URM1: variants seen among roughly 807,000 people sequenced by gnomAD.
URM1 encodes ubiquitin-related modifier 1.
A neutral mutation model predicts 17.7 loss-of-function variants in URM1; 11 were observed. That is an observed-to-expected ratio of 0.62 (90% CI 0.39 to 1.03). The LOEUF (loss-of-function observed/expected upper bound fraction) is 1.03, where lower values mean the gene tolerates loss of function less well. Among genes scored for constraint, URM1 ranks in the 50% least tolerant of loss-of-function variants. URM1 has a pLI of 0.00. For missense variants in URM1, 128 were observed against 129.2 expected (o/e 0.99, Z 0.04); for synonymous variants, 48 against 50.6 (o/e 0.95, Z 0.22).
chr9:128,377,131 C>T (rs537288049), intron 1 of URM1, among the ~76,000 whole-genome samples: 2 of 152,302 alleles, frequency 1.3e-5, no homozygotes, highest in African/African-American at 4.8e-5. Flanking sequence ...CTTGGCCTCC[C>T]ACAGTGCTAG....
intron 1 of URM1, among the ~76,000 whole-genome samples, chr9:128,371,831 T>C (rs1833017679): frequency 1.3e-5 from 2 of 152,224 alleles, no homozygotes; most frequent in South Asian, 4.1e-4. Context: ...TACACTGTTA[T>C]TAAGGTCTTG....
intron 1 of URM1, among the ~76,000 whole-genome samples, chr9:128,371,792 A>T (rs1833017297): frequency 6.6e-6 from 1 of 152,102 alleles, no homozygotes; most frequent in Non-Finnish European, 1.5e-5. Flanking sequence ...CCACCCGCTG[A>T]TTTCATTCTT....
chr9:128,382,377 C>T (rs1032506523), intron 2 of URM1, among the ~76,000 whole-genome samples: 3 of 152,146 alleles, frequency 2.0e-5, no homozygotes, highest in African/African-American at 7.2e-5. Flanking sequence ...CTTACCCTTC[C>T]CCCAAGTCCA....
intron 2 of URM1, among the ~76,000 whole-genome samples, chr9:128,385,921 C>T (rs890712105): frequency 1.3e-5 from 2 of 152,150 alleles, no homozygotes; most frequent in African/African-American, 4.8e-5. Flanking sequence ...CAAATAGGAG[C>T]ATCATGATAA....
At position 128,381,313 on chromosome 9, in the gene URM1, G is replaced by A. The variant is rs532214379; in HGVS notation, c.106+3207G>A. Among the ~76,000 whole-genome samples, 12 of 152,308 alleles carry A rather than the reference G, an allele frequency of 7.9e-5. No homozygotes were observed. The South Asian group carries it at 8.3e-4, about 11-fold the overall frequency. ...AGTAAACAAATGAATGTATAACTGC[G>A]TCATTACAACTTTTAGTAACTGGCA... On this transcript the variant is annotated intron_variant, in intron 2 of 4. Transcript: ENST00000372853.
At chr9:128,372,809 C>G (rs994277969) in intron 1 of URM1, among the ~76,000 whole-genome samples, 5 of 151,932 alleles carry the variant, frequency 3.3e-5, no homozygotes, top group African/African-American at 1.2e-4. Flanking sequence ...CATGGAGGCT[C>G]ATGCCTGTAA....
rs974927091 is a variant in URM1 at position 128,389,823 on chromosome 9, C to G, written c.*89C>G. 12 of 1,554,826 alleles carry G rather than the reference C, an allele frequency of 7.7e-6. No individual in the cohort carries two copies. The African/African-American group carries it at 1.5e-4, about 19-fold the overall frequency. ...GCCCTGCTTCCAGGTCTCCCTGTCC[C>G]CCTTGCCTGCCTTCTTCCCTGCTCT... On this transcript the variant is annotated 3_prime_UTR_variant, in exon 5 of 5. Transcript: ENST00000372853.
intron 1 of URM1, among the ~76,000 whole-genome samples, chr9:128,374,753 G>T (rs1351762004): frequency 2.0e-5 from 3 of 152,190 alleles, no homozygotes; most frequent in Non-Finnish European, 4.4e-5. Flanking sequence ...CAAAAGTCTG[G>T]TGAGGCCTTT....
At chr9:128,384,473 C>A (rs952374370) in intron 2 of URM1, among the ~76,000 whole-genome samples, 10 of 152,192 alleles carry the variant, frequency 6.6e-5, no homozygotes, top group Admixed American at 1.3e-4. Flanking sequence ...CCCCTCACTA[C>A]TCTCGCAGTC....
intron 2 of URM1, among the ~76,000 whole-genome samples, chr9:128,380,688 T>G (rs1833147903): frequency 6.6e-6 from 1 of 151,138 alleles, no homozygotes; most frequent in African/African-American, 2.4e-5. Context: ...CAGGCTGAAG[T>G]GCCGTGGTGC....
In URM1 at chr9:128,389,743, CTCTGGGCCTGGGCACCCTTAGAGGGGAGA is replaced by C. The variant is rs773737651; in HGVS notation, c.*10_*38del. The C allele has an allele frequency of 6.2e-6, 10 of 1,613,448 alleles. 1 individual carries two copies. The South Asian group carries it at 1.1e-4, about 18-fold the overall frequency. On this transcript the variant is annotated 3_prime_UTR_variant, in exon 5 of 5. Coordinates refer to ENST00000372853, the MANE Select transcript of URM1 (RefSeq NM_030914.4). ...CTCTGCACGGCGGCTGAGGGCCCTT[CTCTGGGCCTGGGCACCCTTAGAGGGGAGA>C]ACGAAGCAATCAGACATCCCCTTGG...
intron 2 of URM1, among the ~76,000 whole-genome samples, chr9:128,383,727 AC>A (rs1374971675): frequency 5.9e-5 from 9 of 152,166 alleles, no homozygotes; most frequent in Non-Finnish European, 1.3e-4. Flanking sequence ...AGGGTCTGTT[AC>A]GCCTGCGAGT....
chr9:128,385,514 C>A (rs1047459947), intron 2 of URM1, among the ~76,000 whole-genome samples: 2 of 152,072 alleles, frequency 1.3e-5, no homozygotes, highest in African/African-American at 4.8e-5. Context: ...AGAGGGAAGA[C>A]AAGAGGACAC....
Position 128,377,906 on chromosome 9 carries a change from G to A in URM1, c.36-130G>A, listed in dbSNP as rs987498486. 4.6e-6 allele frequency: 4 copies of A among 869,490 alleles called. No homozygotes were observed. In the South Asian group the frequency reaches 6.0e-5, roughly 13 times the overall value. The allele number at this position is 869,490 out of a possible 1,614,324, so 53.9% of individuals were successfully genotyped here. ...AAGAATTAGTCACTGCACCCAAGGT[G>A]TTTCTGCACCTTAGTCTCTGCTTCT... is the stretch of plus-strand genomic sequence containing the variant. On this transcript the variant is annotated intron_variant, in intron 1 of 4. Transcript: ENST00000372853.
Position 128,389,862 on chromosome 9 carries a change from C to T in URM1, c.*128C>T. 3 of 1,319,300 alleles carry T rather than the reference C, an allele frequency of 2.3e-6. No individual in the cohort carries two copies. Among genetic ancestry groups the T allele is most frequent in the Non-Finnish European group, 3.1e-6 (3 of 971,426 alleles). 81.7% of individuals were successfully genotyped at this position (1,319,300 alleles called of 1,614,324 possible). A position where few individuals can be genotyped will look rare whatever the true frequency, so the allele number is the denominator to read the frequency against. On this transcript the variant is annotated 3_prime_UTR_variant, in exon 5 of 5. Transcript: ENST00000372853. ...CTTCCCTGCTCTGTCCCCTAAGCTCCCTCCAGGCAGGGAAAAGAGGCCAGG... is the reference window on the plus strand; with the variant it reads ...CTTCCCTGCTCTGTCCCCTAAGCTCTCTCCAGGCAGGGAAAAGAGGCCAGG...
intron 1 of URM1, among the ~76,000 whole-genome samples, chr9:128,373,461 G>T (rs1030294176): frequency 6.6e-6 from 1 of 152,028 alleles, no homozygotes; most frequent in African/African-American, 2.4e-5. Context: ...CTCCAGTTCT[G>T]GAAGGGTCTC....
intron 3 of URM1, chr9:128,388,356 C>G (rs975844787): frequency 1.0e-6 from 1 of 996,340 alleles, no homozygotes; most frequent in Non-Finnish European, 1.2e-6. Context: ...GTCATTGACT[C>G]TGTGCGTGCA....
chr9:128,376,088 C>G (rs1164753099), intron 1 of URM1, among the ~76,000 whole-genome samples: 1 of 151,398 alleles, frequency 6.6e-6, no homozygotes, highest in African/African-American at 2.4e-5. Flanking sequence ...TAATTAGAGA[C>G]AGAGCCAGGC....
chr9:128,375,121 G>A (rs1380684341), intron 1 of URM1, among the ~76,000 whole-genome samples: 1 of 152,206 alleles, frequency 6.6e-6, no homozygotes, highest in Admixed American at 6.5e-5. Context: ...CTATCAAAGT[G>A]AGCAAATAAT....
Sources: gnomAD v4.1 joint callset for allele counts (sites outside exome capture counted in the v4.1 genomes callset) on GRCh38, gnomAD v4.1.1 for gene constraint, MANE v1.5 for transcripts, NCBI Gene and HGNC (gene_info 2026-07-23, HGNC 2026-07-21) for gene names.